Variants in CDK19 observed in about 807,000 individuals in gnomAD.
The protein encoded by CDK19 is cyclin-dependent kinase 19.
In CDK19, 20 loss-of-function variants were observed where a neutral mutation model predicts 68.3. The ratio of observed to expected loss-of-function variants is 0.29; its 90% CI spans 0.21 to 0.43. The LOEUF (loss-of-function observed/expected upper bound fraction) is 0.43, where lower values mean the gene tolerates loss of function less well. Ranked by LOEUF, CDK19 falls within the 20% of genes least tolerant of loss-of-function variation. The probability of loss-of-function intolerance (pLI) is 1.00; values close to 1 mark genes in which losing one functional copy is unlikely to be tolerated. For missense variants in CDK19, 339 were observed against 623.5 expected, an observed-to-expected ratio of 0.54 and a Z score of 4.86; for synonymous variants, 221 against 222.8, an observed-to-expected ratio of 0.99 and a Z score of 0.07.
At chr6:110,652,405 AT>A (rs1781029061) in intron 4 of CDK19, among the ~76,000 whole-genome samples, 1 of 152,196 alleles carries the variant, frequency 6.6e-6, no homozygotes, top group South Asian at 2.1e-4. Context: ...GTAAAGGCAG[AT>A]TTTAGAGTAC....
At chr6:110,759,065 C>A (rs919991082) in intron 1 of CDK19, among the ~76,000 whole-genome samples, 2 of 151,948 alleles carry the variant, frequency 1.3e-5, no homozygotes, top group Admixed American at 1.3e-4. Context: ...AGTTTGAGAC[C>A]AGCCTGGTCA....
chr6:110,709,354 C>T (rs1312733322), intron 2 of CDK19, among the ~76,000 whole-genome samples: 3 of 151,808 alleles, frequency 2.0e-5, no homozygotes, highest in Non-Finnish European at 2.9e-5. Flanking sequence ...TAACACCTAT[C>T]GAGGGGTGGA....
At chr6:110,705,713 A>AT (rs1774412921) in intron 2 of CDK19, among the ~76,000 whole-genome samples, 1 of 152,190 alleles carries the variant, frequency 6.6e-6, no homozygotes, top group African/African-American at 2.4e-5. Context: ...ACAGATAACA[A>AT]TTTCAGTATT....
At chr6:110,760,396 C>CAAAA (rs34613571) in intron 1 of CDK19, among the ~76,000 whole-genome samples, 59 of 39,714 alleles carry the variant, frequency 1.5e-3, no homozygotes, top group Non-Finnish European at 1.8e-3. Context: ...GGCTTTGTCT[C>CAAAA]AAAAAAAAAA....
Position 110,638,662 on chromosome 6 carries a change from C to G in CDK19, c.501G>C (p.Gly167=). 6.5e-7 allele frequency: 1 copy of G among 1,528,970 alleles called. No individual in the cohort carries two copies. The highest frequency in any genetic ancestry group is 2.3e-5 in the East Asian group (1 of 44,132). 94.7% of individuals were successfully genotyped at this position (1,528,970 alleles called of 1,614,324 possible). ...ILVMGEGPER[G]RVKIADMGFA... is the part of the protein sequence containing the mutation. ...ATAATTACCTACCTATTTTGACTCT[C>G]CCCCTCTCAGGACCTTCTCCCATTA... The change falls in exon 5 of 13, where the codon GGG becomes GGC. Residue 167 remains glycine, a synonymous_variant. Transcript: ENST00000368911.
intron 4 of CDK19, among the ~76,000 whole-genome samples, chr6:110,655,379 T>A (rs907442961): frequency 1.1e-4 from 16 of 150,276 alleles, no homozygotes; most frequent in East Asian, 3.9e-4. Flanking sequence ...AAAAAAAAAA[T>A]AAATAAAAAT....
At chr6:110,723,805 T>G (rs1409547621) in intron 2 of CDK19, among the ~76,000 whole-genome samples, 1 of 152,218 alleles carries the variant, frequency 6.6e-6, no homozygotes, top group Admixed American at 6.5e-5. Context: ...ATACAAATTG[T>G]GATGTTTCTT....
chr6:110,619,474 G>A (rs1778572471), intron 12 of CDK19, among the ~76,000 whole-genome samples: 1 of 151,796 alleles, frequency 6.6e-6, no homozygotes, highest in African/African-American at 2.4e-5. Context: ...TGTCTGCAAA[G>A]AGGCTGGAGG....
At chr6:110,664,616 G>T (rs1270949647) in intron 4 of CDK19, among the ~76,000 whole-genome samples, 1 of 152,102 alleles carries the variant, frequency 6.6e-6, no homozygotes, top group South Asian at 2.1e-4. Flanking sequence ...ATTCACTGAG[G>T]AAATACTTCC....
At chr6:110,703,581 T>C (rs1774192306) in intron 2 of CDK19, among the ~76,000 whole-genome samples, 1 of 152,080 alleles carries the variant, frequency 6.6e-6, no homozygotes, top group Admixed American at 6.6e-5. Flanking sequence ...GGTTCACACA[T>C]CTAGTCCCAG....
chr6:110,743,478 C>T (rs1241089864), intron 2 of CDK19, among the ~76,000 whole-genome samples: 1 of 151,842 alleles, frequency 6.6e-6, no homozygotes, highest in South Asian at 2.1e-4. Flanking sequence ...CCTGTCTCTA[C>T]TAAAATACAA....
At chr6:110,646,517 G>C in intron 4 of CDK19, 1 of 1,327,152 alleles carries the variant, frequency 7.5e-7, no homozygotes, top group East Asian at 2.6e-5. Flanking sequence ...CTGGGAAACC[G>C]ACGTGCGCCT....
At chr6:110,789,840 G>GC (rs1351286020) in intron 1 of CDK19, among the ~76,000 whole-genome samples, 2 of 151,914 alleles carry the variant, frequency 1.3e-5, no homozygotes, top group Non-Finnish European at 2.9e-5. Flanking sequence ...ATATTTCTAA[G>GC]CAATGCAATT....
intron 1 of CDK19, among the ~76,000 whole-genome samples, chr6:110,748,245 A>T (rs1778213488): frequency 6.6e-6 from 1 of 152,182 alleles, no homozygotes; most frequent in African/African-American, 2.4e-5. Context: ...AGATCTTTGC[A>T]GTAAGTCAAA....
chr6:110,630,919 T>C (rs1779399684), intron 6 of CDK19, among the ~76,000 whole-genome samples: 1 of 152,216 alleles, frequency 6.6e-6, no homozygotes, highest in South Asian at 2.1e-4. Flanking sequence ...AAATCAGACG[T>C]CTTGATGAAT....
intron 10 of CDK19, among the ~76,000 whole-genome samples, 199 bp downstream of exon 10, chr6:110,622,616 G>A (rs745580656): frequency 5.3e-5 from 8 of 152,170 alleles, no homozygotes; most frequent in Non-Finnish European, 7.4e-5. Context: ...ACAAATGGTC[G>A]TTCCTAAAAT....
At chr6:110,751,084 T>C (rs1778443389) in intron 1 of CDK19, among the ~76,000 whole-genome samples, 6 of 152,198 alleles carry the variant, frequency 3.9e-5, no homozygotes, top group Admixed American at 3.9e-4. Context: ...TCCACCCACC[T>C]TGAACTCCCA....
At chr6:110,628,763 G>A (rs906917284) in intron 6 of CDK19, among the ~76,000 whole-genome samples, 3 of 152,188 alleles carry the variant, frequency 2.0e-5, no homozygotes, top group Admixed American at 6.5e-5. Context: ...ATACAGTAAT[G>A]CCTTACTTAT....
intron 2 of CDK19, among the ~76,000 whole-genome samples, chr6:110,702,245 A>C (rs1276502063): frequency 2.0e-5 from 3 of 152,188 alleles, no homozygotes; most frequent in Non-Finnish European, 4.4e-5. Flanking sequence ...CAGGATTTTG[A>C]GACCAGACTG....
Sources: allele counts gnomAD v4.1 joint callset (sites outside exome capture counted in the v4.1 genomes callset), GRCh38; gene constraint gnomAD v4.1.1; transcripts MANE v1.5; gene names NCBI Gene and HGNC (gene_info 2026-07-23, HGNC 2026-07-21).